The following IGSF22 variants were observed in gnomAD, a reference collection of about 807,000 sequenced individuals.
The protein encoded by IGSF22 is immunoglobulin superfamily, member 22.
In IGSF22, 119 loss-of-function variants were observed where a neutral mutation model predicts 127.0. That is an observed-to-expected ratio of 0.94 (90% confidence interval 0.81 to 1.09). The LOEUF (loss-of-function observed/expected upper bound fraction) is 1.09, where lower values mean the gene tolerates loss of function less well. Among genes scored for constraint, IGSF22 ranks in the 50% least tolerant of loss-of-function variants. IGSF22 has a pLI of 0.00. For synonymous variants in IGSF22, 568 were observed against 664.7 expected, an observed-to-expected ratio of 0.85 and a Z score of 2.24; for missense variants, 1,518 against 1,716.6, an observed-to-expected ratio of 0.88 and a Z score of 2.04.
intron 4 of IGSF22, among the ~76,000 whole-genome samples, chr11:18,720,798 G>C (rs969993459): frequency 6.6e-6 from 1 of 152,180 alleles, no homozygotes; most frequent in Non-Finnish European, 1.5e-5. Context: ...GGCCATCAGG[G>C]GGACTGGGGC....
intron 8 of IGSF22, among the ~76,000 whole-genome samples, chr11:18,718,295 C>T (rs1590451378): frequency 2.0e-5 from 3 of 152,168 alleles, no homozygotes; most frequent in African/African-American, 7.2e-5. Flanking sequence ...CTCACAGGCC[C>T]GAGCTCTTAA....
Position 18,710,326 on chromosome 11 carries a change from C to A in IGSF22, c.2701+1G>T. 6.2e-7 allele frequency: 1 copy of A among 1,614,056 alleles called. No homozygotes were observed. The highest frequency in any genetic ancestry group is 1.1e-5 in the South Asian group (1 of 91,072). ...TCAGGACCTGGCAGCCGCATACTCA[C>A]TAACAGGATCCTTGGCCACTACTGA... On this transcript the variant is annotated splice_donor_variant, in intron 17 of 22. Transcript: ENST00000513874. LOFTEE classifies it high-confidence loss of function.
chr11:18,720,522 C>A (rs925796668), intron 4 of IGSF22, among the ~76,000 whole-genome samples: 39 of 152,226 alleles, frequency 2.6e-4, no homozygotes, highest in Non-Finnish European at 7.3e-5. Context: ...CTCCATCGGA[C>A]TCTCCCCCTT....
At chr11:18,721,883 C>CACTGCTG (rs1270999573) in intron 3 of IGSF22, 27 bp downstream of exon 3, 5 of 1,610,626 alleles carry the variant, frequency 3.1e-6, no homozygotes, top group Non-Finnish European at 3.4e-6. Flanking sequence ...AGCACTGGAG[C>CACTGCTG]CCGGTGAGCC....
rs1341361327 is a variant in IGSF22 at position 18,714,073 on chromosome 11, G to T, written c.1874C>A (p.Ala625Asp). ...HAITVKVGHT[A>D]HIKVPFRGKP... is the part of the protein sequence containing the mutation. ...TCCCCGGAAGGGGACCTTGATGTGGGCCGTGTGGCCTACCTTCACAGTGAT... is the reference window on the plus strand; with the variant it reads ...TCCCCGGAAGGGGACCTTGATGTGGTCCGTGTGGCCTACCTTCACAGTGAT... Residue 625 changes from alanine to aspartate, a missense_variant, in exon 14 of 23, where the codon GCC becomes GAC. This residue lies in a region of IGSF22 where 1,456 missense variants were observed against 1,644.9 expected (regional missense o/e 0.89). Transcript: ENST00000513874. 1.2e-6 allele frequency: 2 copies of T among 1,614,264 alleles called. No homozygotes were observed.
chr11:18,718,120 T>G, intron 8 of IGSF22, 27 bp from the exon 9 acceptor site: 14 of 1,608,506 alleles, frequency 8.7e-6, no homozygotes, highest in Non-Finnish European at 1.2e-5. Flanking sequence ...GTAGGAAAGC[T>G]GATGAAGGGC....
Position 18,720,124 on chromosome 11 carries a change from A to G in IGSF22, c.479-21T>C, listed in dbSNP as rs772490570. 75 of 1,614,070 alleles carry G rather than the reference A, an allele frequency of 4.6e-5. 1 individual carries two copies. The highest frequency in any genetic ancestry group is 1.7e-6 in the Non-Finnish European group (2 of 1,179,984). Reference sequence around the variant, plus strand: ...TTGACCTGAGGATAGACAGAGGGACAGGTTCAGACAGGGGGAGTCTGGTCC... The same window carrying G: ...TTGACCTGAGGATAGACAGAGGGACGGGTTCAGACAGGGGGAGTCTGGTCC... On this transcript the variant is annotated intron_variant, in intron 5 of 22. Transcript: ENST00000513874.
At chr11:18,706,836 G>T in intron 21 of IGSF22, 78 bp downstream of exon 21, 2 of 1,131,328 alleles carry the variant, frequency 1.8e-6, no homozygotes, top group Non-Finnish European at 2.4e-6. Context: ...TTGCCTCTTG[G>T]GTACCCTTTG....
At position 18,712,085 on chromosome 11, in the gene IGSF22, T is replaced by C. The variant is rs1190302244; in HGVS notation, c.2395A>G (p.Ile799Val). The change falls in exon 15 of 23, where the codon ATA becomes GTA. Residue 799 changes from isoleucine (I) to valine (V), a missense_variant. Transcript: ENST00000513874. ...ETEEVFAGNPIEPPGFASQPQ... is the reference protein window; with the variant it reads ...ETEEVFAGNPVEPPGFASQPQ... ...AGCACCAGGCTATCTCACTGACCTATGGGATTTCCTGCAAACACTTCTTCT... is the reference window on the plus strand; with the variant it reads ...AGCACCAGGCTATCTCACTGACCTACGGGATTTCCTGCAAACACTTCTTCT... 6.5e-6 allele frequency: 10 copies of C among 1,549,572 alleles called. No homozygotes were observed. The Admixed American group carries it at 1.4e-4, about 21-fold the overall frequency.
intron 9 of IGSF22, 67 bp from the exon 10 acceptor site, chr11:18,717,067 G>A (rs1281257480): frequency 6.5e-7 from 1 of 1,546,178 alleles, no homozygotes; most frequent in Non-Finnish European, 8.8e-7. Context: ...TGGTGAAGAG[G>A]GCACTCACAT....
intron 14 of IGSF22, among the ~76,000 whole-genome samples, chr11:18,713,637 C>T (rs1222357362): frequency 2.6e-5 from 4 of 152,254 alleles, no homozygotes; most frequent in African/African-American, 7.2e-5. Context: ...TCACCCTGTT[C>T]CAGGTAAGAA....
rs1229128953 is a variant in IGSF22 at position 18,709,591 on chromosome 11, G to T, written c.2794C>A (p.Pro932Thr). Residue 932 changes from proline (P) to threonine (T), a missense_variant, in exon 18 of 23, where the codon CCC becomes ACC. Transcript: ENST00000513874. This position sits in a 1 kb window ranked among gnomAD's most constrained non-coding sequence, Gnocchi z 4.8. The stretch of plus-strand genomic sequence containing the variant: ...CTCATCTCAAGGATGTAGCCAGAGG[G>T]TGGGTCTCCCTCTGCAGGCTCCCGC... ...AWREPAEGDP[P>T]SGYILEMRAE... 3 of 1,614,204 alleles carry T rather than the reference G, an allele frequency of 1.9e-6. No individual in the cohort carries two copies. The Admixed American group carries it at 5.0e-5, about 27-fold the overall frequency.
Position 18,724,286 on chromosome 11 carries a change from G to T in IGSF22, c.-33-17C>A. 7.5e-7 allele frequency: 1 copy of T among 1,324,810 alleles called. No homozygotes were observed. The highest frequency in any genetic ancestry group is 1.1e-6 in the Non-Finnish European group (1 of 920,154). 82.1% of individuals were successfully genotyped at this position (1,324,810 alleles called of 1,614,324 possible). ...CCTGTGAGACTGGGGAAGAGGATGA[G>T]GCCATGAAGGACAAGACAGGGAGTA... On this transcript the variant is annotated splice_polypyrimidine_tract_variant and intron_variant, in intron 1 of 22. Coordinates refer to ENST00000513874, the MANE Select transcript of IGSF22 (RefSeq NM_173588.4).
chr11:18,714,656 A>G (rs1449489242), intron 11 of IGSF22, 32 bp from the exon 12 acceptor site: 13 of 1,610,076 alleles, frequency 8.1e-6, no homozygotes, highest in East Asian at 2.2e-5. Context: ...GGACTGGCTC[A>G]GGATGTTGGG....
At chr11:18,725,067 C>G (rs1215996812) in intron 1 of IGSF22, among the ~76,000 whole-genome samples, 1 of 151,482 alleles carries the variant, frequency 6.6e-6, no homozygotes, top group Non-Finnish European at 1.5e-5. Flanking sequence ...CTGACCCTTT[C>G]TTTTTTCATT....
chr11:18,723,297 G>A (rs1415751768), intron 2 of IGSF22, among the ~76,000 whole-genome samples: 5 of 152,218 alleles, frequency 3.3e-5, no homozygotes, highest in Non-Finnish European at 2.9e-5. Context: ...TCTGATGTGC[G>A]GCCACAGCAG....
chr11:18,721,121 C>A (rs1372201870), intron 4 of IGSF22, among the ~76,000 whole-genome samples: 1 of 152,158 alleles, frequency 6.6e-6, no homozygotes, highest in Non-Finnish European at 1.5e-5. Flanking sequence ...AGCCCGGAGC[C>A]CCTGACCCTC....
rs528669082 is a variant in IGSF22 at position 18,714,272 on chromosome 11, C to T, written c.1798+5G>A. 8.1e-6 allele frequency: 13 copies of T among 1,611,658 alleles called. No homozygotes were observed. In the South Asian group the frequency reaches 1.3e-4, roughly 16 times the overall value. On this transcript the variant is annotated splice_donor_5th_base_variant and intron_variant, in intron 13 of 22. Transcript: ENST00000513874. ...GAGCTTTGCCTACCTTGGACAGATC[C>T]ATACCTGCGATGAATACAGAGGCTT...
intron 19 of IGSF22, 66 bp downstream of exon 19, chr11:18,708,140 TG>T (rs1462405434): frequency 6.6e-7 from 1 of 1,517,590 alleles, no homozygotes; most frequent in East Asian, 2.3e-5. Flanking sequence ...TCAGAGACTG[TG>T]ATGGCTACAA....
Sources: allele counts gnomAD v4.1 joint callset (sites outside exome capture counted in the v4.1 genomes callset), GRCh38; gene constraint gnomAD v4.1.1; regional missense constraint gnomAD v4.1.1; non-coding constraint Gnocchi (gnomAD v3.1); transcripts MANE v1.5; gene names NCBI Gene and HGNC (gene_info 2026-07-23, HGNC 2026-07-21).